Variants in STIM2 observed in about 807,000 individuals in gnomAD.
STIM2 encodes stromal interaction molecule 2.
In STIM2, 31 loss-of-function variants were observed where a neutral mutation model predicts 85.8. The ratio of observed to expected loss-of-function variants is 0.36; its 90% CI spans 0.27 to 0.49. The LOEUF (loss-of-function observed/expected upper bound fraction) is 0.49. STIM2 is among the 20% of genes least tolerant of loss of function. The pLI is 0.98. For synonymous variants in STIM2, 356 were observed against 331.1 expected, an observed-to-expected ratio of 1.08 and a Z score of -0.82; for missense variants, 841 against 927.6, an observed-to-expected ratio of 0.91 and a Z score of 1.21.
chr4:26,903,577 A>T (rs918286248), intron 1 of STIM2, among the ~76,000 whole-genome samples: 2 of 152,224 alleles, frequency 1.3e-5, no homozygotes, highest in Non-Finnish European at 2.9e-5. Flanking sequence ...AATTATAAAA[A>T]GATAGAAAAG....
intron 4 of STIM2, among the ~76,000 whole-genome samples, chr4:26,995,992 T>C (rs1727949283): frequency 6.6e-6 from 1 of 152,058 alleles, no homozygotes; most frequent in South Asian, 2.1e-4. Context: ...CTTTATATTA[T>C]CTCATTTAAC....
chr4:26,987,219 G>A (rs9997247), intron 3 of STIM2, among the ~76,000 whole-genome samples: 2,732 of 152,202 alleles, frequency 0.018, 94 homozygotes, highest in African/African-American at 0.062. Context: ...CTGTGATTAG[G>A]ACCCCACTGC....
At chr4:26,994,109 G>C (rs1560233317) in intron 3 of STIM2, among the ~76,000 whole-genome samples, 2 of 152,072 alleles carry the variant, frequency 1.3e-5, no homozygotes, top group East Asian at 3.9e-4. Context: ...AAGATCATCT[G>C]TATGTTGGTG....
chr4:26,968,187 C>T (rs889513144), intron 3 of STIM2, among the ~76,000 whole-genome samples: 18 of 151,906 alleles, frequency 1.2e-4, no homozygotes, highest in Admixed American at 1.2e-3. Context: ...AAATCATTAA[C>T]CTTCAGGAAA....
At chr4:26,939,668 T>G (rs572941724) in intron 2 of STIM2, among the ~76,000 whole-genome samples, 1 of 152,254 alleles carries the variant, frequency 6.6e-6, no homozygotes, top group African/African-American at 2.4e-5. Context: ...GTTTGAAAAT[T>G]TTTATGCGTG....
At chr4:26,869,299 CAAAA>C (rs71186495) in intron 1 of STIM2, among the ~76,000 whole-genome samples, 7 of 85,846 alleles carry the variant, frequency 8.2e-5, no homozygotes, top group Admixed American at 2.6e-4. Context: ...ACCCTGTCTC[CAAAA>C]AAAAAAAAAA....
chr4:26,909,021 G>A (rs1341413994), intron 1 of STIM2, among the ~76,000 whole-genome samples: 1 of 152,228 alleles, frequency 6.6e-6, no homozygotes, highest in Non-Finnish European at 1.5e-5. Flanking sequence ...TGAGGCTGCA[G>A]TGAGCTATGA....
chr4:26,938,933 A>G (rs1725496824), intron 2 of STIM2, among the ~76,000 whole-genome samples: 2 of 152,054 alleles, frequency 1.3e-5, no homozygotes, highest in African/African-American at 4.8e-5. Context: ...AAATTTTAAA[A>G]TTTTTAACTT....
chr4:27,001,822 C>T (rs1728166845), intron 5 of STIM2, among the ~76,000 whole-genome samples: 1 of 152,150 alleles, frequency 6.6e-6, no homozygotes, highest in African/African-American at 2.4e-5. Context: ...GTGACAGCTG[C>T]CTAGCTTGAC....
At chr4:27,008,101 G>A (rs1309954020) in intron 8 of STIM2, 1 of 684,458 alleles carries the variant, frequency 1.5e-6, no homozygotes, top group African/African-American at 1.8e-5. Context: ...TAAAAGCTTA[G>A]TTCACTCACT....
At chr4:26,866,691 A>G (rs1421220569) in intron 1 of STIM2, among the ~76,000 whole-genome samples, 2 of 152,232 alleles carry the variant, frequency 1.3e-5, no homozygotes, top group African/African-American at 4.8e-5. Flanking sequence ...GTATGTATCA[A>G]AATGTCAGCA....
At chr4:27,012,458 A>G (rs1012721326) in intron 10 of STIM2, among the ~76,000 whole-genome samples, 3 of 10,316 alleles carry the variant, frequency 2.9e-4, no homozygotes, top group African/African-American at 3.8e-4. Flanking sequence ...AAAAAAGATT[A>G]ATTTTAGGTA....
intron 2 of STIM2, among the ~76,000 whole-genome samples, chr4:26,941,172 A>G (rs1725597138): frequency 6.6e-6 from 1 of 152,164 alleles, no homozygotes; most frequent in Admixed American, 6.6e-5. Context: ...TCTCATGAGT[A>G]TACAGGCATT....
rs1409112659 is a variant in STIM2, at chr4:26,860,987, G to A, written c.-232G>A. ...ACGCAGCCGGGATCAGAGCTCCGGA[G>A]GCCGCCGGTGCCGATGGGACCAGGC... On this transcript the variant is annotated 5_prime_UTR_variant, in exon 1 of 12. Transcript: ENST00000467087. 3.9e-6 allele frequency: 5 copies of A among 1,294,350 alleles called. No individual in the cohort carries two copies. Among genetic ancestry groups the A allele is most frequent in the Non-Finnish European group, 4.9e-6 (5 of 1,010,532 alleles). The allele number at this position is 1,294,350 out of a possible 1,614,324, so 80.2% of individuals were successfully genotyped here. A position where few individuals can be genotyped will look rare whatever the true frequency, so the allele number is the denominator to read the frequency against.
At chr4:27,010,848 G>A (rs887718570) in intron 10 of STIM2, among the ~76,000 whole-genome samples, 1 of 152,188 alleles carries the variant, frequency 6.6e-6, no homozygotes, top group African/African-American at 2.4e-5. Context: ...TCAATGGTTA[G>A]CTCTGTGTAG....
chr4:26,882,441 C>T (rs1723047681), intron 1 of STIM2, among the ~76,000 whole-genome samples: 1 of 143,566 alleles, frequency 7.0e-6, no homozygotes, highest in Non-Finnish European at 1.5e-5. Flanking sequence ...TCTTAAATTT[C>T]TTTCTTTCTT....
rs542001547 is a variant in STIM2 at position 26,999,244 on chromosome 4, C to T, written c.522C>T (p.His174=). The change falls in exon 5 of 12, where the codon CAC becomes CAT. Residue 174 remains histidine, a synonymous_variant. Coordinates refer to ENST00000467087, the MANE Select transcript of STIM2 (RefSeq NM_020860.4). Reference sequence around the variant, plus strand: ...TTCAAATAAACAGGATAGCAGTGCACGAACCTTCATTTATGATCTCCCAGT... The same window carrying T: ...TTCAAATAAACAGGATAGCAGTGCATGAACCTTCATTTATGATCTCCCAGT... 13 of 1,603,554 alleles carry T rather than the reference C, an allele frequency of 8.1e-6. No individual in the cohort carries two copies. The highest frequency in any genetic ancestry group is 1.0e-5 in the Non-Finnish European group (12 of 1,174,042).
At chr4:26,966,013 A>G (rs1251576887) in intron 3 of STIM2, among the ~76,000 whole-genome samples, 3 of 152,138 alleles carry the variant, frequency 2.0e-5, no homozygotes, top group Non-Finnish European at 2.9e-5. Flanking sequence ...AGGAGGTACT[A>G]TTCTAAGATT....
At chr4:26,948,646 T>C (rs762788911) in intron 2 of STIM2, among the ~76,000 whole-genome samples, 18 of 152,200 alleles carry the variant, frequency 1.2e-4, no homozygotes, top group Non-Finnish European at 2.4e-4. Context: ...GATAAGGCAG[T>C]TTATTTTAGA....
Sources: gnomAD v4.1 joint callset for allele counts (sites outside exome capture counted in the v4.1 genomes callset) on GRCh38, gnomAD v4.1.1 for gene constraint, MANE v1.5 for transcripts, NCBI Gene and HGNC (gene_info 2026-07-23, HGNC 2026-07-21) for gene names.